Variants in KAZN observed in about 807,000 individuals in gnomAD.
KAZN encodes kazrin, periplakin interacting protein, also known as kazrin.
Under a neutral mutation model 87.4 loss-of-function variants are expected in KAZN, and 40 were observed. The observed-to-expected ratio is 0.46, with a 90% CI of 0.36 to 0.60. The LOEUF (loss-of-function observed/expected upper bound fraction) is 0.60. Among genes scored for constraint, KAZN ranks in the 20% least tolerant of loss-of-function variants. The probability of loss-of-function intolerance (pLI) is 0.00; values close to 1 mark genes in which losing one functional copy is unlikely to be tolerated. For synonymous variants in KAZN, 466 were observed against 458.3 expected (o/e 1.02, Z -0.22); for missense variants, 898 against 1,073.9 (o/e 0.84, Z 2.29).
chr1:14,973,459 G>T (rs1249221641), intron 2 of KAZN, among the ~76,000 whole-genome samples: 1 of 152,208 alleles, frequency 6.6e-6, no homozygotes, highest in Non-Finnish European at 1.5e-5. Context: ...CCTGATGCAA[G>T]TCCTGCCCCT....
rs140266517 is a variant in KAZN, at chr1:14,379,812, G to A, written c.249+199220G>A. Among the ~76,000 whole-genome samples, 145 of 152,290 alleles carry A rather than the reference G, an allele frequency of 9.5e-4. No homozygotes were observed. In the East Asian group the frequency reaches 0.021, roughly 22 times the overall value. On this transcript the variant is annotated intron_variant, in intron 2 of 16. Transcript: ENST00000636203. ...TCTCTAGACTGACCTAGTGCCTGGGGGAGCTTGCCACCTTGGCTGGCTTCA... is the reference window on the plus strand; with the variant it reads ...TCTCTAGACTGACCTAGTGCCTGGGAGAGCTTGCCACCTTGGCTGGCTTCA...
At chr1:14,305,972 C>T (rs111680158) in intron 2 of KAZN, among the ~76,000 whole-genome samples, 2,915 of 152,170 alleles carry the variant, frequency 0.019, 99 homozygotes, top group African/African-American at 0.067. Flanking sequence ...TTAGAAAACA[C>T]GAACCTTGTC....
chr1:14,896,041 C>CT lies in KAZN; in HGVS notation c.227-64612dup, dbSNP rs201188620. ...CAGTAAGTACAAATGAAAAAGACGC[C>CT]TTTTTTTTTTTTTTTTTTTTTTTTT... is the stretch of plus-strand genomic sequence containing the variant. On this transcript the variant is annotated intron_variant, in intron 1 of 14. Transcript: ENST00000376030. 2.3e-3 allele frequency among the ~76,000 whole-genome samples: 321 copies of CT among 140,620 alleles called. 4 individuals are homozygous for CT. The highest frequency in any genetic ancestry group is 5.5e-3 in the African/African-American group (200 of 36,172). 92.3% of individuals were successfully genotyped at this position (140,620 alleles called of 152,430 possible).
At position 14,796,041 on chromosome 1, in the gene KAZN, T is replaced by C. The variant is rs771807232; in HGVS notation, c.227-164643T>C. The stretch of plus-strand genomic sequence containing the variant: ...GCCTCCACTAGTGGTGAACTCCTCA[T>C]GGGAGGAATCTATCCTCTGCCTGAG... On this transcript the variant is annotated intron_variant, in intron 1 of 14. Transcript: ENST00000376030. 1.8e-4 allele frequency among the ~76,000 whole-genome samples: 28 copies of C among 152,174 alleles called. 1 individual carries two copies. Among genetic ancestry groups the C allele is most frequent in the South Asian group, 2.1e-4 (1 of 4,828 alleles).
intron 1 of KAZN, among the ~76,000 whole-genome samples, chr1:14,109,823 G>A (rs773608968): frequency 2.1e-4 from 17 of 81,242 alleles, no homozygotes; most frequent in Non-Finnish European, 3.0e-4. Context: ...CGATTTCAGC[G>A]TCAAGTAGGA....
At chr1:15,001,009 AGGAGAGTCG>A (rs56931538) in intron 2 of KAZN, among the ~76,000 whole-genome samples, 25,417 of 150,128 alleles carry the variant, frequency 0.17, 2,430 homozygotes, top group East Asian at 0.35. Context: ...AGGCTGAGGC[AGGAGAGTCG>A]CTTGAGCCCA....
chr1:15,103,910 C>T (rs969216785), intron 12 of KAZN, 113 bp from the exon 13 acceptor site: 7 of 1,098,450 alleles, frequency 6.4e-6, no homozygotes, highest in South Asian at 1.7e-5. Context: ...TTAACTGGTC[C>T]CCAGGGGGTC....
At chr1:14,228,728 G>A (rs1350182033) in intron 2 of KAZN, among the ~76,000 whole-genome samples, 1 of 152,198 alleles carries the variant, frequency 6.6e-6, no homozygotes, top group Non-Finnish European at 1.5e-5. Flanking sequence ...TTCTAATGTT[G>A]AACAAAAGGA....
chr1:15,034,861 C>T lies in KAZN; in HGVS notation c.531C>T (p.Ile177=), dbSNP rs776337497. 34 of 1,613,886 alleles carry T rather than the reference C, an allele frequency of 2.1e-5. No homozygotes were observed. Among genetic ancestry groups the T allele is most frequent in the Non-Finnish European group, 2.8e-5 (33 of 1,179,952 alleles). Residue 177 remains isoleucine, a synonymous_variant, in exon 3 of 15, where the codon ATC becomes ATT. Transcript: ENST00000376030. The stretch of plus-strand genomic sequence containing the variant: ...GCGAGGAGCAGCTCCGAGACTTCAT[C>T]CGCAACTATGAGCAGCACCGCAAGG... ...ESREEQLRDF[I]RNYEQHRKES... is the part of the protein sequence containing the mutation.
At chr1:13,952,700 C>T (rs938940497) in intron 1 of KAZN, among the ~76,000 whole-genome samples, 1 of 152,094 alleles carries the variant, frequency 6.6e-6, no homozygotes, top group Non-Finnish European at 1.5e-5. Flanking sequence ...CCTGTGTGCA[C>T]ACAGACGCAT....
intron 1 of KAZN, among the ~76,000 whole-genome samples, chr1:14,178,605 AT>A (rs1646133473): frequency 1.3e-5 from 2 of 152,162 alleles, no homozygotes; most frequent in African/African-American, 4.8e-5. Context: ...AGCAAAGCAT[AT>A]TTTTAGTAGC....
At chr1:15,004,332 C>T (rs964730966) in intron 2 of KAZN, among the ~76,000 whole-genome samples, 2 of 152,170 alleles carry the variant, frequency 1.3e-5, no homozygotes, top group Non-Finnish European at 2.9e-5. Flanking sequence ...GAGCTGAGGA[C>T]GCCCGCTGTG....
At chr1:14,131,573 G>A (rs1024834006) in intron 1 of KAZN, among the ~76,000 whole-genome samples, 3 of 151,850 alleles carry the variant, frequency 2.0e-5, no homozygotes, top group African/African-American at 7.3e-5. Context: ...ACTTTTCAAG[G>A]CAACCTTATT....
At chr1:14,548,073 A>G (rs1030676757) in intron 2 of KAZN, among the ~76,000 whole-genome samples, 2 of 151,684 alleles carry the variant, frequency 1.3e-5, no homozygotes, top group African/African-American at 4.8e-5. Flanking sequence ...GCAAAAAAAG[A>G]TTTCATAATG....
chr1:15,037,240 C>G (rs1672433715), intron 3 of KAZN, among the ~76,000 whole-genome samples: 1 of 152,218 alleles, frequency 6.6e-6, no homozygotes, highest in South Asian at 2.1e-4. Context: ...TTATTGGGGA[C>G]AGGACACAGT....
chr1:14,263,908 C>T (rs1651273901), intron 2 of KAZN, among the ~76,000 whole-genome samples: 1 of 152,198 alleles, frequency 6.6e-6, no homozygotes, highest in Non-Finnish European at 1.5e-5. Context: ...AGCCAGGATG[C>T]CCTGCCTTGG....
At chr1:14,921,124 G>A (rs1658465001) in intron 1 of KAZN, among the ~76,000 whole-genome samples, 1 of 150,038 alleles carries the variant, frequency 6.7e-6, no homozygotes, top group Admixed American at 6.7e-5. Flanking sequence ...GGACCCCACT[G>A]CCATCTGCAG....
intron 1 of KAZN, among the ~76,000 whole-genome samples, chr1:14,877,899 AC>A (rs539738459): frequency 1.3e-5 from 2 of 152,084 alleles, no homozygotes; most frequent in Non-Finnish European, 2.9e-5. Context: ...TCTTTTATAT[AC>A]CAGGCTGGCT....
intron 1 of KAZN, among the ~76,000 whole-genome samples, chr1:13,996,314 A>G (rs1019131961): frequency 6.6e-6 from 1 of 152,088 alleles, no homozygotes; most frequent in Non-Finnish European, 1.5e-5. Context: ...CCTTAAGCCT[A>G]TGGAGCTCCC....
Sources: gnomAD v4.1 joint callset for allele counts (sites outside exome capture counted in the v4.1 genomes callset) on GRCh38, gnomAD v4.1.1 for gene constraint, MANE v1.5 for transcripts, NCBI Gene and HGNC (gene_info 2026-07-23, HGNC 2026-07-21) for gene names.